MYO1B: variants seen among roughly 807,000 people sequenced by gnomAD.
MYO1B encodes the protein myosin IB, also known as unconventional myosin-Ib.
Under a neutral mutation model 159.7 loss-of-function variants are expected in MYO1B, and 72 were observed. That is an observed-to-expected ratio of 0.45 (90% CI 0.37 to 0.55). The LOEUF (loss-of-function observed/expected upper bound fraction) is 0.55. Ranked by LOEUF, MYO1B falls within the 20% of genes least tolerant of loss-of-function variation. The pLI is 0.00. For synonymous variants in MYO1B, 468 were observed against 473.8 expected (o/e 0.99, Z 0.16); for missense variants, 1,062 against 1,364.8 (o/e 0.78, Z 3.50).
intron 13 of MYO1B, 139 bp downstream of exon 13, chr2:191,370,431 C>G: frequency 6.2e-6 from 4 of 649,240 alleles, no homozygotes; most frequent in Non-Finnish European, 1.1e-5. Flanking sequence ...CACACTATCA[C>G]TTTGAATCTG....
At chr2:191,380,904 A>AT (rs1375677732) in intron 13 of MYO1B, 1 of 171,948 alleles carries the variant, frequency 5.8e-6, no homozygotes, top group Non-Finnish European at 1.3e-5. Context: ...ACCCATAAGA[A>AT]TGTACAGTCT....
intron 13 of MYO1B, among the ~76,000 whole-genome samples, chr2:191,370,720 G>A (rs556824667): frequency 1.3e-5 from 2 of 152,254 alleles, no homozygotes; most frequent in Non-Finnish European, 2.9e-5. Context: ...GAAAGCCACA[G>A]GAGGGCTGGA....
At chr2:191,357,556 A>C (rs1693382356) in intron 7 of MYO1B, among the ~76,000 whole-genome samples, 1 of 152,194 alleles carries the variant, frequency 6.6e-6, no homozygotes, top group Admixed American at 6.5e-5. Flanking sequence ...AATATCTGGA[A>C]TATCTCTTCT....
chr2:191,392,792 T>C (rs989391696), intron 19 of MYO1B, among the ~76,000 whole-genome samples: 1 of 152,202 alleles, frequency 6.6e-6, no homozygotes, highest in African/African-American at 2.4e-5. Context: ...TGCATCCTCA[T>C]AGACAGTGTG....
At chr2:191,273,155 G>C (rs1045882833) in intron 1 of MYO1B, among the ~76,000 whole-genome samples, 6 of 152,080 alleles carry the variant, frequency 3.9e-5, no homozygotes, top group Non-Finnish European at 7.4e-5. Flanking sequence ...GTCTCACTCT[G>C]TTGCCCAAGC....
chr2:191,393,753 A>G (rs1695905255), intron 20 of MYO1B, among the ~76,000 whole-genome samples: 1 of 152,208 alleles, frequency 6.6e-6, no homozygotes, highest in Admixed American at 6.5e-5. Context: ...TCTATTAACT[A>G]TAGGGAAAGA....
chr2:191,354,513 C>T (rs1272846216), intron 7 of MYO1B, among the ~76,000 whole-genome samples: 2 of 151,472 alleles, frequency 1.3e-5, no homozygotes, highest in African/African-American at 4.9e-5. Context: ...TCTCTTGTTC[C>T]TGACTTTGTT....
chr2:191,291,795 ACTGT>A (rs1171807158), intron 2 of MYO1B, among the ~76,000 whole-genome samples: 1 of 152,174 alleles, frequency 6.6e-6, no homozygotes, highest in Non-Finnish European at 1.5e-5. Context: ...GTAAAAATGA[ACTGT>A]CTGGTCACTA....
chr2:191,369,409 C>A, intron 11 of MYO1B, 133 bp from the exon 12 acceptor site: 1 of 656,090 alleles, frequency 1.5e-6, no homozygotes, highest in Non-Finnish European at 2.5e-6. Context: ...GTTTATGATA[C>A]AAGAAAACTG....
chr2:191,253,448 C>A (rs1574265351), intron 1 of MYO1B, among the ~76,000 whole-genome samples: 1 of 152,256 alleles, frequency 6.6e-6, no homozygotes, highest in African/African-American at 2.4e-5. Flanking sequence ...TTCCTTCCCC[C>A]CAGAAGCCCC....
chr2:191,289,384 CACTTA>C (rs1301605499), intron 2 of MYO1B, among the ~76,000 whole-genome samples: 1 of 152,166 alleles, frequency 6.6e-6, no homozygotes, highest in Non-Finnish European at 1.5e-5. Context: ...GTGGTCGTAT[CACTTA>C]ACTTCTTTGT....
At chr2:191,330,665 C>T (rs1367130579) in intron 4 of MYO1B, among the ~76,000 whole-genome samples, 1 of 152,162 alleles carries the variant, frequency 6.6e-6, no homozygotes, top group African/African-American at 2.4e-5. Context: ...AGAAGAGCCA[C>T]ATTCTCTGAA....
chr2:191,347,852 T>C (rs372134052), intron 6 of MYO1B, among the ~76,000 whole-genome samples: 1 of 152,202 alleles, frequency 6.6e-6, no homozygotes, highest in East Asian at 1.9e-4. Flanking sequence ...TCCGGGGAAA[T>C]TGCAATGTCT....
chr2:191,337,193 A>G (rs1050560610), intron 4 of MYO1B, among the ~76,000 whole-genome samples: 6 of 152,280 alleles, frequency 3.9e-5, no homozygotes, highest in African/African-American at 1.2e-4. Context: ...CATCATGACA[A>G]TTGTCTTTCC....
chr2:191,312,465 C>G (rs1313766738), intron 3 of MYO1B, among the ~76,000 whole-genome samples: 1 of 152,204 alleles, frequency 6.6e-6, no homozygotes, highest in Admixed American at 6.5e-5. Flanking sequence ...TGCATTCTGT[C>G]ACAACCATGA....
At chr2:191,348,266 T>C (rs1692695613) in intron 6 of MYO1B, among the ~76,000 whole-genome samples, 2 of 152,170 alleles carry the variant, frequency 1.3e-5, no homozygotes, top group African/African-American at 4.8e-5. Flanking sequence ...ATTTTTTTAC[T>C]CTCAGCTCAT....
intron 24 of MYO1B, among the ~76,000 whole-genome samples, chr2:191,405,578 T>C (rs997486389): frequency 1.3e-5 from 2 of 152,262 alleles, no homozygotes; most frequent in Non-Finnish European, 2.9e-5. Context: ...CCTTGATCCA[T>C]GAGCTGCAGA....
At chr2:191,390,613 T>A in intron 18 of MYO1B, 121 bp downstream of exon 18, 1 of 1,143,830 alleles carries the variant, frequency 8.7e-7, no homozygotes, top group Non-Finnish European at 1.2e-6. Flanking sequence ...AACCTCTGTT[T>A]TGGACCTTCT....
chr2:191,368,799 C>T (rs192900621), intron 11 of MYO1B, among the ~76,000 whole-genome samples: 143 of 152,126 alleles, frequency 9.4e-4, no homozygotes, highest in South Asian at 7.9e-3. Flanking sequence ...CAAGGCAAAA[C>T]CCTGTCTGTA....
Sources: gnomAD v4.1 joint callset for allele counts (sites outside exome capture counted in the v4.1 genomes callset) on GRCh38, gnomAD v4.1.1 for gene constraint, MANE v1.5 for transcripts, NCBI Gene and HGNC (gene_info 2026-07-23, HGNC 2026-07-21) for gene names.